The following DNMT3A variants were observed in gnomAD, a reference collection of about 807,000 sequenced individuals.
DNMT3A encodes the protein DNA methyltransferase 3 alpha.
Under a neutral mutation model 117.6 loss-of-function variants are expected in DNMT3A, and 267 were observed. That is an observed-to-expected ratio of 2.27 (90% CI 2.05 to 2.51). DNMT3A has a LOEUF of 2.51. Ranked by LOEUF, DNMT3A falls within the 30% of genes most tolerant of loss-of-function variation. DNMT3A has a pLI of 0.00. For missense variants in DNMT3A, 1,029 were observed against 1,260.2 expected (o/e 0.82, Z 2.78); for synonymous variants, 432 against 474.8 (o/e 0.91, Z 1.17).
At chr2:25,328,035 T>C (rs982231174) in intron 1 of DNMT3A, among the ~76,000 whole-genome samples, 1 of 152,180 alleles carries the variant, frequency 6.6e-6, no homozygotes, top group Admixed American at 6.5e-5. Context: ...GCCTCTGGCA[T>C]CTCTACCTCC....
At position 25,298,430 on chromosome 2, in the gene DNMT3A, C is replaced by G. The variant is rs2033225035; in HGVS notation, c.177+1709G>C. On this transcript the variant is annotated intron_variant, in intron 3 of 22. Transcript: ENST00000321117. This position sits in a 1 kb window ranked among gnomAD's most constrained non-coding sequence, Gnocchi z 4.3. The stretch of plus-strand genomic sequence containing the variant: ...TGGCTACCCTCTGATTCCAGAGACT[C>G]ACAAAGATGAGTCAAAGGGTTGCTG... 6.6e-6 allele frequency among the ~76,000 whole-genome samples: 1 copy of G among 152,230 alleles called. No homozygotes were observed. The highest frequency in any genetic ancestry group is 1.5e-5 in the Non-Finnish European group (1 of 68,042).
intron 2 of DNMT3A, among the ~76,000 whole-genome samples, chr2:25,302,489 G>C (rs1336607504): frequency 1.3e-5 from 2 of 152,244 alleles, no homozygotes; most frequent in Admixed American, 6.5e-5. Context: ...TGTGGAGGGA[G>C]AGGCCAGCCC....
At position 25,240,369 on chromosome 2, in the gene DNMT3A, A is replaced by C. The variant is rs764464925; in HGVS notation, c.2255T>G (p.Phe752Cys). The C allele has an allele frequency of 1.2e-6, 2 of 1,614,042 alleles. No homozygotes were observed. The highest frequency in any genetic ancestry group is 8.5e-7 in the Non-Finnish European group (1 of 1,179,908). ...GGCCACCACATTCTCAAAGAGCCAG[A>C]AGAAGGGGCGATCATCTCCCTCCTT... ...RPKEGDDRPFFWLFENVVAMG... is the reference protein window; with the variant it reads ...RPKEGDDRPFCWLFENVVAMG... Residue 752 changes from phenylalanine to cysteine, a missense_variant, in exon 19 of 23, where the codon TTC becomes TGC. Coordinates refer to ENST00000321117, the MANE Select transcript of DNMT3A (RefSeq NM_022552.5).
chr2:25,300,757 A>G (rs1208023405), intron 2 of DNMT3A, among the ~76,000 whole-genome samples: 2 of 74,666 alleles, frequency 2.7e-5, no homozygotes, highest in Non-Finnish European at 5.0e-5. Context: ...ATATATATAT[A>G]TATATATATA....
chr2:25,285,772 G>C (rs2032264520), intron 3 of DNMT3A, among the ~76,000 whole-genome samples: 1 of 152,172 alleles, frequency 6.6e-6, no homozygotes. Flanking sequence ...TAAGCAAAGA[G>C]GGCATTTCCA....
chr2:25,313,028 C>T (rs573084471), intron 2 of DNMT3A, among the ~76,000 whole-genome samples: 1 of 152,308 alleles, frequency 6.6e-6, no homozygotes, highest in South Asian at 2.1e-4. Context: ...GCCAGGAAGG[C>T]CTATGGCCAT....
chr2:25,319,598 A>G (rs561748813), intron 1 of DNMT3A, among the ~76,000 whole-genome samples: 6 of 152,282 alleles, frequency 3.9e-5, no homozygotes, highest in African/African-American at 1.4e-4. Context: ...CATGCCAGTC[A>G]CCTGGCATGA....
intron 4 of DNMT3A, among the ~76,000 whole-genome samples, chr2:25,276,117 G>A (rs890229063): frequency 2.0e-5 from 3 of 152,178 alleles, no homozygotes; most frequent in African/African-American, 7.2e-5. Context: ...ACGAGACTCA[G>A]TTTCCTCATC....
At chr2:25,319,773 CTTT>C (rs1351746396) in intron 1 of DNMT3A, among the ~76,000 whole-genome samples, 1 of 144,310 alleles carries the variant, frequency 6.9e-6, no homozygotes, top group Non-Finnish European at 1.5e-5. Context: ...TTCTTTCTTT[CTTT>C]TTTTTTTTTT....
Position 25,231,087 on chromosome 2 carries a change from G to A in DNMT3A, c.*3192C>T, listed in dbSNP as rs994351918. The stretch of plus-strand genomic sequence containing the variant: ...TAACTGTCACTAAGCAGTGGCTTGG[G>A]AGAGCCTGAGCCTTAGAAGACTCTG... On this transcript the variant is annotated 3_prime_UTR_variant, in exon 23 of 23. Transcript: ENST00000321117. 2.6e-5 allele frequency: 4 copies of A among 152,330 alleles called. No homozygotes were observed. The highest frequency in any genetic ancestry group is 2.4e-5 in the African/African-American group (1 of 41,458). The allele number at this position is 152,330 out of a possible 1,614,324, so 9.4% of individuals were successfully genotyped here.
rs1281963996 is a variant in DNMT3A at position 25,282,118 on chromosome 2, G to A, written c.448+323C>T. The A allele has an allele frequency of 5.2e-6, 6 of 1,145,520 alleles. No individual in the cohort carries two copies. The highest frequency in any genetic ancestry group is 2.2e-5 in the South Asian group (1 of 44,738). The allele number at this position is 1,145,520 out of a possible 1,614,324, so 71.0% of individuals were successfully genotyped here. A position where few individuals can be genotyped will look rare whatever the true frequency, so the allele number is the denominator to read the frequency against. Reference sequence around the variant, plus strand: ...CCGCCATTATCCCAGTCTAGCAATCGTTGGCGTTATGAAAGCCCGCTGTTG... The same window carrying A: ...CCGCCATTATCCCAGTCTAGCAATCATTGGCGTTATGAAAGCCCGCTGTTG... On this transcript the variant is annotated intron_variant, in intron 4 of 22. Coordinates refer to ENST00000321117, the MANE Select transcript of DNMT3A (RefSeq NM_022552.5). The surrounding 1 kb of genome is among the most constrained non-coding windows in gnomAD (Gnocchi z 5.2).
At chr2:25,300,605 CTAAATAATATATTATTTAGATA>C in intron 2 of DNMT3A, among the ~76,000 whole-genome samples, 1 of 7,648 alleles carries the variant, frequency 1.3e-4, no homozygotes, top group African/African-American at 2.5e-4. Context: ...ATATATATAT[CTAAATAATATATTATTTAGATA>C]TCTAAATAAT....
Position 25,247,550 on chromosome 2 carries a change from C to A in DNMT3A, c.1014+41G>T, listed in dbSNP as rs1460538433. The A allele has an allele frequency of 6.2e-7, 1 of 1,601,824 alleles. No homozygotes were observed. Among genetic ancestry groups the A allele is most frequent in the South Asian group, 1.1e-5 (1 of 89,820 alleles). Reference sequence around the variant, plus strand: ...AAACCACAGGCCCTGGGATCAAGAACCTTCCCCCACCCCAGGCTACTGCCA... The same window carrying A: ...AAACCACAGGCCCTGGGATCAAGAAACTTCCCCCACCCCAGGCTACTGCCA... On this transcript the variant is annotated intron_variant, in intron 8 of 22. Transcript: ENST00000321117. This position sits in a 1 kb window ranked among gnomAD's most constrained non-coding sequence, Gnocchi z 5.6.
intron 3 of DNMT3A, among the ~76,000 whole-genome samples, chr2:25,299,879 C>T (rs562658765): frequency 7.7e-4 from 117 of 152,092 alleles, no homozygotes; most frequent in African/African-American, 2.4e-3. Flanking sequence ...TGCAGTAAGC[C>T]GAGATCACGC....
intron 1 of DNMT3A, among the ~76,000 whole-genome samples, chr2:25,335,017 CTTG>C (rs1410588967): frequency 3.9e-5 from 6 of 152,202 alleles, no homozygotes; most frequent in South Asian, 2.1e-4. Flanking sequence ...AAAGCAAAAA[CTTG>C]TTGACAGGTT....
In DNMT3A at chr2:25,234,356, GTC is replaced by G. The variant is rs1673091504; in HGVS notation, c.2660_2661del (p.Arg887ThrfsTer33). On this transcript the variant is annotated frameshift_variant, in exon 23 of 23. Coordinates refer to ENST00000321117, the MANE Select transcript of DNMT3A (RefSeq NM_022552.5). LOFTEE classifies it high-confidence loss of function. This position sits in a 1 kb window ranked among gnomAD's most constrained non-coding sequence, Gnocchi z 4.5. ...VSNMSRLARQ[R>X]LLGRSWSVPV... is the part of the protein sequence containing the mutation. ...GGCACGCTCCATGACCGGCCCAGCA[GTC>G]TCTGCCTCGCCAAGCGGCTCATGTT... The G allele has an allele frequency of 6.2e-7, 1 of 1,614,158 alleles. No individual in the cohort carries two copies. The highest frequency in any genetic ancestry group is 8.5e-7 in the Non-Finnish European group (1 of 1,180,012).
chr2:25,273,928 T>C (rs2031169731), intron 6 of DNMT3A, among the ~76,000 whole-genome samples: 1 of 152,222 alleles, frequency 6.6e-6, no homozygotes, highest in African/African-American at 2.4e-5. Context: ...CCCAGAAATG[T>C]CGGGGTTTTC....
Position 25,237,499 on chromosome 2 carries a change from G to A in DNMT3A, c.2409-494C>T, listed in dbSNP as rs190576144. Among the ~76,000 whole-genome samples the A allele has an allele frequency of 6.6e-6, 1 of 152,338 alleles. No individual in the cohort carries two copies. The highest frequency in any genetic ancestry group is 6.5e-5 in the Admixed American group (1 of 15,306). On this transcript the variant is annotated intron_variant, in intron 20 of 22. Transcript: ENST00000321117. The surrounding 1 kb of genome is among the most constrained non-coding windows in gnomAD (Gnocchi z 5.4). ...GACTAAATTCTGGGCCAGGCGCAGT[G>A]GCTCATGCCTGCAATCCCAGCCCTT...
rs1672984830 is a variant in DNMT3A at position 25,233,391 on chromosome 2, T to C, written c.*888A>G. ...AAGGCAACGTGGAAGCTGATGTTTT[T>C]ACTCATCTCGCTGTTTGAAAGCACC... On this transcript the variant is annotated 3_prime_UTR_variant, in exon 23 of 23. Transcript: ENST00000321117. 4.3e-6 allele frequency: 1 copy of C among 233,690 alleles called. No individual in the cohort carries two copies. 14.5% of individuals were successfully genotyped at this position (233,690 alleles called of 1,614,324 possible).
Sources: allele counts gnomAD v4.1 joint callset (sites outside exome capture counted in the v4.1 genomes callset), GRCh38; gene constraint gnomAD v4.1.1; non-coding constraint Gnocchi (gnomAD v3.1); transcripts MANE v1.5; gene names NCBI Gene and HGNC (gene_info 2026-07-23, HGNC 2026-07-21).